Variants in AKR1C4 observed in about 807,000 individuals in gnomAD.
AKR1C4 encodes 3-alpha-HSD1.
A neutral mutation model predicts 41.0 loss-of-function variants in AKR1C4; 44 were observed. The observed-to-expected ratio is 1.07, with a 90% CI of 0.84 to 1.38. The LOEUF is 1.38. AKR1C4 is among the 40% of genes most tolerant of loss of function. The probability of loss-of-function intolerance (pLI) is 0.00; values close to 1 mark genes in which losing one functional copy is unlikely to be tolerated. For missense variants in AKR1C4, 438 were observed against 387.9 expected (o/e 1.13, Z -1.09); for synonymous variants, 165 against 137.7 (o/e 1.20, Z -1.39).
intron 5 of AKR1C4, chr10:5,207,478 C>T (rs1346728976): frequency 2.6e-6 from 1 of 390,252 alleles, no homozygotes; most frequent in Non-Finnish European, 5.1e-6. Context: ...TTGATGTTAA[C>T]AGGATGGAAG....
chr10:5,207,741 A>G (rs2132132299), intron 5 of AKR1C4: 1 of 464,776 alleles, frequency 2.2e-6, no homozygotes, highest in Non-Finnish European at 4.1e-6. Flanking sequence ...AGTAATATAA[A>G]AAGATGAATA....
At chr10:5,212,858 C>A (rs1831977) in intron 6 of AKR1C4, 133 bp downstream of exon 6, 20 of 1,381,958 alleles carry the variant, frequency 1.4e-5, no homozygotes, top group Admixed American at 2.2e-5. Flanking sequence ...TTATGAGATA[C>A]CAGGTGATGC....
rs1458749643 is a variant in AKR1C4, at chr10:5,204,381, G to C, written c.257G>C (p.Trp86Ser). The C allele has an allele frequency of 9.9e-6, 16 of 1,610,620 alleles. No homozygotes were observed. The highest frequency in any genetic ancestry group is 1.3e-5 in the Non-Finnish European group (15 of 1,177,296). Residue 86 changes from tryptophan to serine, a missense_variant, in exon 3 of 9, where the codon TGG becomes TCG. Physicochemically the swap from Trp to Ser is radical, Grantham distance 177 (BLOSUM62 -3). Coordinates refer to ENST00000263126, the MANE Select transcript of AKR1C4 (RefSeq NM_001818.5). ...REDIFYTSKLWCTFFQPQMVQ... is the reference protein window; with the variant it reads ...REDIFYTSKLSCTFFQPQMVQ... ...ATCCTTTATTTTACCATGCAGCTTT[G>C]GTGCACTTTCTTTCAACCACAGATG...
intron 6 of AKR1C4, 112 bp from the exon 7 acceptor site, chr10:5,212,882 G>C (rs1404989673): frequency 1.4e-6 from 2 of 1,448,506 alleles, no homozygotes; most frequent in Non-Finnish European, 1.9e-6. Flanking sequence ...TGCTGTTCAG[G>C]GACCTCACTT....
At chr10:5,205,935 A>G in intron 4 of AKR1C4, 101 bp downstream of exon 4, 2 of 1,242,846 alleles carry the variant, frequency 1.6e-6, no homozygotes, top group Non-Finnish European at 2.3e-6. Flanking sequence ...CATTGGAACT[A>G]GAAATTAAGG....
intron 5 of AKR1C4, chr10:5,207,182 C>CT (rs1554797562): frequency 1.1e-5 from 2 of 188,394 alleles, no homozygotes; most frequent in East Asian, 1.5e-4. Context: ...AATGGGCTAA[C>CT]TGGCTAAACT....
intron 1 of AKR1C4, among the ~76,000 whole-genome samples, chr10:5,199,530 G>C (rs1167484897): frequency 1.3e-5 from 2 of 152,068 alleles, no homozygotes; most frequent in Admixed American, 6.5e-5. Flanking sequence ...ACAGAACCGG[G>C]TGGACTTTGA....
chr10:5,197,478 GC>G (rs1333664554), intron 1 of AKR1C4, among the ~76,000 whole-genome samples: 2 of 152,118 alleles, frequency 1.3e-5, no homozygotes, highest in Non-Finnish European at 2.9e-5. Context: ...ACAATGCCCT[GC>G]ACAACTCTCA....
chr10:5,216,996 C>A (rs1554798588), intron 8 of AKR1C4, among the ~76,000 whole-genome samples: 1 of 152,202 alleles, frequency 6.6e-6, no homozygotes, highest in Non-Finnish European at 1.5e-5. Context: ...CAGCATCGGT[C>A]AACCTGTGCC....
chr10:5,213,064 A>G lies in AKR1C4; in HGVS notation c.751A>G (p.Thr251Ala). ...TGCCTTAGCAAAGAAACACAAACAA[A>G]CCCCAGCCCTGATTGCCCTGCGCTA... Reference protein sequence around the residue: ...LCALAKKHKQTPALIALRYQL... With the variant: ...LCALAKKHKQAPALIALRYQL... The change falls in exon 7 of 9, where the codon ACC becomes GCC. Residue 251 changes from threonine to alanine, a missense_variant. Transcript: ENST00000263126. 6.2e-7 allele frequency: 1 copy of G among 1,614,004 alleles called. No individual in the cohort carries two copies. Among genetic ancestry groups the G allele is most frequent in the Non-Finnish European group, 8.5e-7 (1 of 1,180,016 alleles).
chr10:5,208,458 C>A (rs1206077962), intron 5 of AKR1C4, among the ~76,000 whole-genome samples: 2 of 151,620 alleles, frequency 1.3e-5, no homozygotes, highest in Non-Finnish European at 2.9e-5. Flanking sequence ...AGGACATCTA[C>A]ATGTTATCAT....
chr10:5,211,489 A>G lies in AKR1C4; in HGVS notation c.571-1127A>G, dbSNP rs561219314. 5.9e-5 allele frequency among the ~76,000 whole-genome samples: 9 copies of G among 152,298 alleles called. No homozygotes were observed. The South Asian group carries it at 1.7e-3, about 28-fold the overall frequency. On this transcript the variant is annotated intron_variant, in intron 5 of 8. Coordinates refer to ENST00000263126, the MANE Select transcript of AKR1C4 (RefSeq NM_001818.5). ...CAGGGACAAAATGTCAATTTCTGCT[A>G]AAACATAACAAGAGTCACCTTTGCT...
At chr10:5,199,145 C>G (rs1480290343) in intron 1 of AKR1C4, among the ~76,000 whole-genome samples, 2 of 152,102 alleles carry the variant, frequency 1.3e-5, no homozygotes, top group Non-Finnish European at 2.9e-5. Flanking sequence ...CTGAAGAGGT[C>G]CAGGGATACC....
At chr10:5,213,242 G>T in intron 7 of AKR1C4, 83 bp downstream of exon 7, 1 of 1,559,840 alleles carries the variant, frequency 6.4e-7, no homozygotes, top group South Asian at 1.2e-5. Context: ...GACACCCTTG[G>T]ACTAAGTCCA....
At chr10:5,199,719 T>TA (rs549283966) in intron 1 of AKR1C4, among the ~76,000 whole-genome samples, 272 of 152,234 alleles carry the variant, frequency 1.8e-3, no homozygotes, top group African/African-American at 6.1e-3. Context: ...AAAACGTTCC[T>TA]ACTCCATCCC....
chr10:5,206,493 G>A, intron 5 of AKR1C4, 96 bp downstream of exon 5: 1 of 1,573,488 alleles, frequency 6.4e-7, no homozygotes, highest in East Asian at 2.2e-5. Context: ...TTACATTTGT[G>A]AAACAGAAGA....
chr10:5,205,843 T>G lies in AKR1C4; in HGVS notation c.447+9T>G, dbSNP rs201441444. On this transcript the variant is annotated intron_variant, in intron 4 of 8. Transcript: ENST00000263126. ...TCTCTGCCACATGGGAGGTGAGTGC[T>G]TGGAGGACAGAGTACAGAAAAGGAA... The G allele has an allele frequency of 3.1e-3, 4,954 of 1,610,736 alleles. 15 individuals carry two copies. Among genetic ancestry groups the G allele is most frequent in the Non-Finnish European group, 3.7e-3 (4,407 of 1,177,950 alleles).
intron 1 of AKR1C4, among the ~76,000 whole-genome samples, chr10:5,197,833 A>G (rs1554796466): frequency 1.3e-5 from 2 of 152,204 alleles, no homozygotes; most frequent in Non-Finnish European, 2.9e-5. Context: ...TGTAATGCAA[A>G]TTGGCATGAA....
At chr10:5,214,894 A>G (rs912863694) in intron 7 of AKR1C4, among the ~76,000 whole-genome samples, 2 of 152,312 alleles carry the variant, frequency 1.3e-5, no homozygotes, top group East Asian at 3.9e-4. Flanking sequence ...CAATTTGTAT[A>G]CTGAGACCCT....
Sources: allele counts gnomAD v4.1 joint callset (sites outside exome capture counted in the v4.1 genomes callset), GRCh38; gene constraint gnomAD v4.1.1; transcripts MANE v1.5; gene names NCBI Gene and HGNC (gene_info 2026-07-23, HGNC 2026-07-21).